RNASEH1: variants seen among roughly 807,000 people sequenced by gnomAD.
The protein encoded by RNASEH1 is ribonuclease H1.
A neutral mutation model predicts 34.6 loss-of-function variants in RNASEH1; 27 were observed. The ratio of observed to expected loss-of-function variants is 0.78; its 90% CI spans 0.58 to 1.08. The LOEUF is 1.08. RNASEH1 is among the 50% of genes least tolerant of loss of function. The probability of loss-of-function intolerance (pLI) is 0.00; values close to 1 mark genes in which losing one functional copy is unlikely to be tolerated. For missense variants in RNASEH1, 349 were observed against 373.6 expected, an observed-to-expected ratio of 0.93 and a Z score of 0.54; for synonymous variants, 162 against 138.4, an observed-to-expected ratio of 1.17 and a Z score of -1.20.
At chr2:3,552,456 G>A (rs1660044848) in intron 2 of RNASEH1, 148 bp from the exon 3 acceptor site, 1 of 695,454 alleles carries the variant, frequency 1.4e-6, no homozygotes, top group Non-Finnish European at 2.2e-6. Flanking sequence ...GGGAAACGAG[G>A]GAATGACCCC....
At chr2:3,537,593 C>T (rs1203912034), downstream of RNASEH1, among the ~76,000 whole-genome samples, 1 of 152,006 alleles carries the variant, frequency 6.6e-6, no homozygotes, top group East Asian at 1.9e-4. Flanking sequence ...TGGTGGCACA[C>T]ACTTGTAGTC....
chr2:3,556,588 G>A (rs1048008636), intron 2 of RNASEH1, among the ~76,000 whole-genome samples: 5 of 152,346 alleles, frequency 3.3e-5, no homozygotes, highest in South Asian at 4.1e-4. Flanking sequence ...GGAGAGCTGA[G>A]TCCTGGCTTA....
intron 5 of RNASEH1, 48 bp from the exon 6 acceptor site, chr2:3,548,772 G>C (rs752586670): frequency 5.9e-6 from 8 of 1,360,276 alleles, no homozygotes; most frequent in Admixed American, 1.7e-5. Context: ...GTTCAACTCT[G>C]ACATTACTAA....
At chr2:3,545,965 C>T (rs1668710636) in intron 7 of RNASEH1, 94 bp from the exon 8 acceptor site, 2 of 866,500 alleles carry the variant, frequency 2.3e-6, no homozygotes, top group Admixed American at 1.8e-5. Context: ...TCAGAACAGA[C>T]TGCACAGCAT....
In RNASEH1 at chr2:3,545,728, T is replaced by C; in HGVS notation, c.*57A>G. 8.5e-7 allele frequency: 1 copy of C among 1,181,450 alleles called. No individual in the cohort carries two copies. Among genetic ancestry groups the C allele is most frequent in the Non-Finnish European group, 1.3e-6 (1 of 784,954 alleles). 73.2% of individuals were successfully genotyped at this position (1,181,450 alleles called of 1,614,324 possible). On this transcript the variant is annotated 3_prime_UTR_variant, in exon 8 of 8. Coordinates refer to ENST00000315212, the MANE Select transcript of RNASEH1 (RefSeq NM_002936.6). ...GCAGGCTATTTTCCACACCAGTAAG[T>C]ACAGGCAGCAAGACAGCCGCTGGCT...
chr2:3,553,587 T>C (rs1280845587), intron 2 of RNASEH1, among the ~76,000 whole-genome samples: 1 of 151,472 alleles, frequency 6.6e-6, no homozygotes. Flanking sequence ...AGATGGGGGT[T>C]TCACCATTTT....
intron 5 of RNASEH1, among the ~76,000 whole-genome samples, 165 bp from the exon 6 acceptor site, chr2:3,548,889 TAA>T (rs1201024764): frequency 2.6e-5 from 4 of 152,142 alleles, no homozygotes; most frequent in Admixed American, 6.5e-5. Flanking sequence ...CTATTTGAAA[TAA>T]GTTTTTAGAA....
chr2:3,552,396 TATCA>T, intron 2 of RNASEH1, 88 bp from the exon 3 acceptor site: 1 of 1,321,830 alleles, frequency 7.6e-7, no homozygotes. Flanking sequence ...AATTATTTAG[TATCA>T]TTAAATCAGA....
At chr2:3,535,825 C>T in the RNASEH1 span, among the ~76,000 whole-genome samples, 1 of 152,096 alleles carries the variant, frequency 6.6e-6, no homozygotes, top group African/African-American at 2.4e-5. Flanking sequence ...CCACCAGGAG[C>T]TCTGCACTAG....
intron 3 of RNASEH1, among the ~76,000 whole-genome samples, chr2:3,551,201 G>A (rs1659859626): frequency 6.6e-6 from 1 of 152,238 alleles, no homozygotes; most frequent in South Asian, 2.1e-4. Flanking sequence ...GTGGCGAAGG[G>A]GCAAAGATGG....
chr2:3,554,710 G>C (rs1261849195), intron 2 of RNASEH1, among the ~76,000 whole-genome samples: 4 of 152,130 alleles, frequency 2.6e-5, no homozygotes, highest in African/African-American at 9.7e-5. Flanking sequence ...TGGAAGACTT[G>C]AGATACAAAT....
Position 3,552,222 on chromosome 2 carries a change from C to T in RNASEH1, c.331G>A (p.Ala111Thr), listed in dbSNP as rs746643523. ...TTCATGTGCTTTGCATACGGCTCTG[C>T]GCTTTCATGTCCATCTCCATCCAGT... The part of the protein sequence containing the change: ...EPLDGDGHES[A>T]EPYAKHMKPS... Residue 111 changes from alanine to threonine, a missense_variant, in exon 3 of 8, where the codon GCA becomes ACA. Ala to Thr is a moderately conservative substitution (Grantham distance 58). Coordinates refer to ENST00000315212, the MANE Select transcript of RNASEH1 (RefSeq NM_002936.6). The T allele has an allele frequency of 1.0e-4, 162 of 1,613,514 alleles. No homozygotes were observed. Among genetic ancestry groups the T allele is most frequent in the Admixed American group, 2.7e-4 (16 of 60,008 alleles).
intron 6 of RNASEH1, among the ~76,000 whole-genome samples, 196 bp downstream of exon 6, chr2:3,548,444 C>T (rs1181785729): frequency 6.6e-6 from 1 of 152,224 alleles, no homozygotes; most frequent in Non-Finnish European, 1.5e-5. Context: ...TCTCCAGTGC[C>T]TGGCAAAGAA....
chr2:3,535,261 TA>T, the RNASEH1 span, among the ~76,000 whole-genome samples: 16 of 145,824 alleles, frequency 1.1e-4, no homozygotes, highest in African/African-American at 1.3e-4. Context: ...CTACTAAAAA[TA>T]AAAAAAAAAA....
chr2:3,551,983 A>G (rs1558455441), intron 3 of RNASEH1, among the ~76,000 whole-genome samples, 161 bp downstream of exon 3: 1 of 152,230 alleles, frequency 6.6e-6, no homozygotes, highest in African/African-American at 2.4e-5. Context: ...GCACTACTTG[A>G]TTATAAATAA....
At chr2:3,556,579 G>C (rs776765960) in intron 2 of RNASEH1, among the ~76,000 whole-genome samples, 1 of 152,188 alleles carries the variant, frequency 6.6e-6, no homozygotes, top group South Asian at 2.1e-4. Flanking sequence ...AATGGAACAG[G>C]AGAGCTGAGT....
intron 7 of RNASEH1, among the ~76,000 whole-genome samples, chr2:3,547,090 GAC>G (rs1465466323): frequency 6.6e-6 from 1 of 152,204 alleles, no homozygotes; most frequent in Non-Finnish European, 1.5e-5. Flanking sequence ...AGCCTGGGGT[GAC>G]AGAGTGAGAC....
chr2:3,543,626 T>G lies in RNASEH1; in HGVS notation c.*2159A>C, dbSNP rs912127762. ...TGCTTAACTCCACAAATTCTTTTTTTTTTTTAAGACAAGGACTTGCTGTCG... is the reference window on the plus strand; with the variant it reads ...TGCTTAACTCCACAAATTCTTTTTTGTTTTTAAGACAAGGACTTGCTGTCG... On this transcript the variant is annotated 3_prime_UTR_variant, in exon 8 of 8. Coordinates refer to ENST00000315212, the MANE Select transcript of RNASEH1 (RefSeq NM_002936.6). Among the ~76,000 whole-genome samples the G allele has an allele frequency of 1.3e-5, 2 of 152,128 alleles. No homozygotes were observed. Among genetic ancestry groups the G allele is most frequent in the African/African-American group, 4.8e-5 (2 of 41,390 alleles).
chr2:3,556,786 T>C lies in RNASEH1; in HGVS notation c.244+3A>G, dbSNP rs1660547677. 2 of 1,600,670 alleles carry C rather than the reference T, an allele frequency of 1.2e-6. No individual in the cohort carries two copies. Among genetic ancestry groups the C allele is most frequent in the Non-Finnish European group, 1.7e-6 (2 of 1,167,682 alleles). The stretch of plus-strand genomic sequence containing the variant: ...ATGTCACACTGATATGAGAGGTGAC[T>C]ACCTTCTGAAACTTCCGGGCTTGCA... On this transcript the variant is annotated splice_donor_region_variant and intron_variant, in intron 2 of 7. Coordinates refer to ENST00000315212, the MANE Select transcript of RNASEH1 (RefSeq NM_002936.6).
Sources: allele counts gnomAD v4.1 joint callset (sites outside exome capture counted in the v4.1 genomes callset), GRCh38; gene constraint gnomAD v4.1.1; transcripts MANE v1.5; gene names NCBI Gene and HGNC (gene_info 2026-07-23, HGNC 2026-07-21).